The following ARHGAP30 variants were observed in gnomAD, a reference collection of about 807,000 sequenced individuals.
ARHGAP30 encodes rho GTPase-activating protein 30.
ARHGAP30 carries 23 observed loss-of-function variants against 72.0 expected under a neutral mutation model. That is an observed-to-expected ratio of 0.32 (90% CI 0.23 to 0.45). ARHGAP30 has a LOEUF of 0.45. ARHGAP30 is among the 20% of genes least tolerant of loss of function. The pLI is 1.00. For synonymous variants in ARHGAP30, 576 were observed against 528.2 expected (o/e 1.09, Z -1.24); for missense variants, 1,319 against 1,383.4 (o/e 0.95, Z 0.74).
At chr1:161,068,122 G>C (rs1652898634) in intron 1 of ARHGAP30, among the ~76,000 whole-genome samples, 1 of 152,132 alleles carries the variant, frequency 6.6e-6, no homozygotes, top group Admixed American at 6.6e-5. Flanking sequence ...AAAATTGGTT[G>C]GTGGACCACA....
rs144582211 is a variant in ARHGAP30 at position 161,069,080 on chromosome 1, C to T, written c.97+448G>A. On this transcript the variant is annotated intron_variant, in intron 1 of 11. Coordinates refer to ENST00000368013, the MANE Select transcript of ARHGAP30 (RefSeq NM_001025598.2). This position sits in a 1 kb window ranked among gnomAD's most constrained non-coding sequence, Gnocchi z 4.9. ...GTTCTCCAGCCAGGAAACCACCCGC[C>T]TCAAGGGCCATCTTGAGACCCTTCT... 9.5e-3 allele frequency among the ~76,000 whole-genome samples: 1,439 copies of T among 152,242 alleles called. 68 individuals carry two copies. The highest frequency in any genetic ancestry group is 0.06 in the Admixed American group (911 of 15,302).
At chr1:161,054,796 A>G (rs1427621566) in intron 3 of ARHGAP30, 91 bp from the exon 4 acceptor site, 26 of 1,110,104 alleles carry the variant, frequency 2.3e-5, no homozygotes, top group Middle Eastern at 2.0e-4. Context: ...CTCAGGAACA[A>G]TGTGCACTGG....
chr1:161,069,648 C>A lies in ARHGAP30; in HGVS notation c.-24G>T. ...ATGGCCAGAGCCCCAGGGCACTGGC[C>A]CGGTCACCTCTATCCCCCAAGACCT... On this transcript the variant is annotated 5_prime_UTR_variant, in exon 1 of 12. Coordinates refer to ENST00000368013, the MANE Select transcript of ARHGAP30 (RefSeq NM_001025598.2). This position sits in a 1 kb window ranked among gnomAD's most constrained non-coding sequence, Gnocchi z 4.9. 1.2e-6 allele frequency: 2 copies of A among 1,603,718 alleles called. No individual in the cohort carries two copies. The highest frequency in any genetic ancestry group is 1.7e-6 in the Non-Finnish European group (2 of 1,177,866).
chr1:161,052,386 G>A, intron 8 of ARHGAP30, 23 bp from the exon 9 acceptor site: 1 of 1,613,918 alleles, frequency 6.2e-7, no homozygotes, highest in Non-Finnish European at 8.5e-7. Context: ...GATGTGTGTA[G>A]AGCCAGGGCC....
chr1:161,054,501 C>T (rs754812058), intron 4 of ARHGAP30, 28 bp from the exon 5 acceptor site: 7 of 1,609,572 alleles, frequency 4.3e-6, no homozygotes, highest in Non-Finnish European at 6.0e-6. Context: ...AGGGATCACA[C>T]AGGGAATGCC....
chr1:161,046,996 C>A lies in ARHGAP30; in HGVS notation c.*719G>T. The A allele has an allele frequency of 2.1e-6, 1 of 470,272 alleles. No individual in the cohort carries two copies. 29.1% of individuals were successfully genotyped at this position (470,272 alleles called of 1,614,324 possible). A position where few individuals can be genotyped will look rare whatever the true frequency, so the allele number is the denominator to read the frequency against. The stretch of plus-strand genomic sequence containing the variant: ...GACATTGACCTTCACTAGAGTGGGA[C>A]CTGTGGCCCCAGCCTGGCTGGAGAA... On this transcript the variant is annotated 3_prime_UTR_variant, in exon 12 of 12. Coordinates refer to ENST00000368013, the MANE Select transcript of ARHGAP30 (RefSeq NM_001025598.2).
Position 161,051,626 on chromosome 1 carries a change from C to T in ARHGAP30, c.1108G>A (p.Gly370Ser), listed in dbSNP as rs140821479. ...LENDSIEAAE[G>S]EQEPEAEALG... ...GCTTCTGCCTCAGGCTCCTGTTCAC[C>T]CTCTGCTGCCTCTATAGAATCGTTC... The change falls in exon 10 of 12, where the codon GGT becomes AGT. Residue 370 changes from glycine (G) to serine (S), a missense_variant. Physicochemically the swap from Gly to Ser is moderately conservative, Grantham distance 56. Transcript: ENST00000368013. The T allele has an allele frequency of 1.9e-6, 3 of 1,613,322 alleles. No individual in the cohort carries two copies. Among genetic ancestry groups the T allele is most frequent in the Non-Finnish European group, 2.5e-6 (3 of 1,180,028 alleles).
In ARHGAP30 at chr1:161,052,785, T is replaced by A. The variant is rs1360659725; in HGVS notation, c.677A>T (p.Glu226Val). The change falls in exon 7 of 12, where the codon GAG becomes GTG. Residue 226 changes from glutamate to valine, a missense_variant. Transcript: ENST00000368013. ...GGAALSGGEV[E>V]SGWRSLPGTR... ...CCCTGGAAGCGATCGCCACCCACTC[T>A]CCACCTCACCACCTGGGAAAAGAAA... 1 of 1,611,080 alleles carries A rather than the reference T, an allele frequency of 6.2e-7. No individual in the cohort carries two copies. The highest frequency in any genetic ancestry group is 1.3e-5 in the African/African-American group (1 of 74,792).
At chr1:161,061,954 AGCGCAC>A (rs1372038560) in intron 1 of ARHGAP30, among the ~76,000 whole-genome samples, 3 of 152,176 alleles carry the variant, frequency 2.0e-5, no homozygotes, top group Admixed American at 1.3e-4. Context: ...CGGGCGTGGC[AGCGCAC>A]GCCTATAATT....
rs1653048607 is a variant in ARHGAP30 at position 161,069,844 on chromosome 1, C to T, written c.-220G>A. The stretch of plus-strand genomic sequence containing the variant: ...GCTGTTGAAGAGGAAGCTACCAGGA[C>T]CCTGGCAAGAAATTGTGTCCTGTGT... On this transcript the variant is annotated 5_prime_UTR_variant, in exon 1 of 12. Coordinates refer to ENST00000368013, the MANE Select transcript of ARHGAP30 (RefSeq NM_001025598.2). The surrounding 1 kb of genome is among the most constrained non-coding windows in gnomAD (Gnocchi z 4.9). The T allele has an allele frequency of 5.2e-6, 3 of 580,314 alleles. No homozygotes were observed. Among genetic ancestry groups the T allele is most frequent in the Non-Finnish European group, 9.3e-6 (3 of 323,258 alleles). 35.9% of individuals were successfully genotyped at this position (580,314 alleles called of 1,614,324 possible).
chr1:161,055,653 T>C (rs1651762734), intron 3 of ARHGAP30, among the ~76,000 whole-genome samples: 1 of 150,936 alleles, frequency 6.6e-6, no homozygotes, highest in Admixed American at 6.6e-5. Flanking sequence ...TAGCCAGGCA[T>C]TGTGGCGGGC....
intron 3 of ARHGAP30, among the ~76,000 whole-genome samples, chr1:161,055,571 C>G (rs947341098): frequency 2.6e-5 from 4 of 151,960 alleles, no homozygotes; most frequent in African/African-American, 9.7e-5. Flanking sequence ...GGGTGAATCA[C>G]TTGAGGTCAG....
At position 161,048,508 on chromosome 1, in the gene ARHGAP30, C is replaced by G. The variant is rs765357292; in HGVS notation, c.2513G>C (p.Arg838Pro). The change falls in exon 12 of 12, where the codon CGG becomes CCG. Residue 838 changes from arginine (R) to proline (P), a missense_variant. Transcript: ENST00000368013. ...CTCAGCCTCTCCATCCCCACTCTCC[C>G]GTTCCTTGCTGACCTCCCCTGCTCC... ...EGGAGEVSKE[R>P]ESGDGEAEGD... 2.1e-5 allele frequency: 34 copies of G among 1,614,038 alleles called. No individual in the cohort carries two copies. In the South Asian group the frequency reaches 3.6e-4, roughly 17 times the overall value.
At chr1:161,059,813 C>T (rs745716105) in intron 1 of ARHGAP30, 97 bp from the exon 2 acceptor site, 52 of 992,326 alleles carry the variant, frequency 5.2e-5, no homozygotes, top group Non-Finnish European at 6.9e-5. Flanking sequence ...GAGACCACGA[C>T]GAGCAAAGCT....
chr1:161,058,016 T>G (rs1487826334), intron 2 of ARHGAP30, among the ~76,000 whole-genome samples: 1 of 152,088 alleles, frequency 6.6e-6, no homozygotes, highest in East Asian at 1.9e-4. Flanking sequence ...CCAGGCATGG[T>G]GGCGCTCGCC....
chr1:161,054,134 G>A (rs994053431), intron 5 of ARHGAP30, among the ~76,000 whole-genome samples: 5 of 152,150 alleles, frequency 3.3e-5, no homozygotes, highest in Non-Finnish European at 4.4e-5. Context: ...ACACACTGTA[G>A]GAAAACACAA....
At chr1:161,049,380 C>A in intron 11 of ARHGAP30, 44 bp downstream of exon 11, 1 of 1,599,472 alleles carries the variant, frequency 6.3e-7, no homozygotes, top group Non-Finnish European at 8.5e-7. Flanking sequence ...CCCTGTCCAC[C>A]CTTGACTCCA....
At chr1:161,055,844 A>T (rs77114157) in intron 3 of ARHGAP30, among the ~76,000 whole-genome samples, 2 of 29,416 alleles carry the variant, frequency 6.8e-5, no homozygotes, top group Admixed American at 3.1e-4. Flanking sequence ...AAATAAAATA[A>T]ATAAAATAAA....
chr1:161,048,298 C>T lies in ARHGAP30; in HGVS notation c.2723G>A (p.Gly908Asp). Reference sequence around the variant, plus strand: ...GCCAAGAGAACAGGGGCATAGACAGCCGTCTGGACTGGGCTGCCCCTCAGG... The same window carrying T: ...GCCAAGAGAACAGGGGCATAGACAGTCGTCTGGACTGGGCTGCCCCTCAGG... The part of the protein sequence containing the change: ...MEPEGQPSPD[G>D]CLCPCSLGLG... The change falls in exon 12 of 12, where the codon GGC becomes GAC. Residue 908 changes from glycine (G) to aspartate (D), a missense_variant. Physicochemically the swap from Gly to Asp is moderately conservative, Grantham distance 94. Coordinates refer to ENST00000368013, the MANE Select transcript of ARHGAP30 (RefSeq NM_001025598.2). 6.2e-7 allele frequency: 1 copy of T among 1,614,166 alleles called. No homozygotes were observed. Among genetic ancestry groups the T allele is most frequent in the African/African-American group, 1.3e-5 (1 of 75,064 alleles).
Sources: gnomAD v4.1 joint callset for allele counts (sites outside exome capture counted in the v4.1 genomes callset) on GRCh38, gnomAD v4.1.1 for gene constraint, Gnocchi (gnomAD v3.1) non-coding constraint, MANE v1.5 for transcripts, NCBI Gene and HGNC (gene_info 2026-07-23, HGNC 2026-07-21) for gene names.